The following FER1L6 variants were observed in gnomAD, a reference collection of about 807,000 sequenced individuals.
The protein encoded by FER1L6 is fer-1-like protein 6.
Under a neutral mutation model 219.2 loss-of-function variants are expected in FER1L6, and 177 were observed. The ratio of observed to expected loss-of-function variants is 0.81; its 90% CI spans 0.71 to 0.91. The LOEUF (loss-of-function observed/expected upper bound fraction) is 0.91. Among genes scored for constraint, FER1L6 ranks in the 40% least tolerant of loss-of-function variants. The pLI is 0.00. For synonymous variants in FER1L6, 768 were observed against 824.3 expected (o/e 0.93, Z 1.17); for missense variants, 2,153 against 2,259.9 (o/e 0.95, Z 0.96).
intron 25 of FER1L6, among the ~76,000 whole-genome samples, chr8:124,063,435 G>C (rs1289898927): frequency 6.6e-6 from 1 of 152,094 alleles, no homozygotes; most frequent in Non-Finnish European, 1.5e-5. Context: ...TTCTCATTTA[G>C]ATCTTTAATC....
intron 15 of FER1L6, 56 bp downstream of exon 15, chr8:124,013,587 T>A: frequency 1.6e-6 from 2 of 1,231,718 alleles, no homozygotes; most frequent in Non-Finnish European, 2.3e-6. Flanking sequence ...TCTCAGCTTT[T>A]AATTACCTTG....
Position 124,061,891 on chromosome 8 carries a change from A to T in FER1L6, c.3187A>T (p.Ile1063Phe). 6.2e-7 allele frequency: 1 copy of T among 1,614,112 alleles called. No individual in the cohort carries two copies. The highest frequency in any genetic ancestry group is 8.5e-7 in the Non-Finnish European group (1 of 1,180,012). ...ENELLHPPLS[I>F]CVVDWRAFGR... ...CGAGCTTCTGCACCCGCCACTGAGCATCTGCGTGGTGGACTGGAGAGCTTT... is the reference window on the plus strand; with the variant it reads ...CGAGCTTCTGCACCCGCCACTGAGCTTCTGCGTGGTGGACTGGAGAGCTTT... The change falls in exon 25 of 41, where the codon ATC (isoleucine) becomes TTC (phenylalanine). Residue 1063 changes from isoleucine (I) to phenylalanine (F), a missense_variant. By Grantham distance (21) the Ile-to-Phe change is conservative. Coordinates refer to ENST00000522917, the MANE Select transcript of FER1L6 (RefSeq NM_001039112.2).
Position 124,066,584 on chromosome 8 carries a change from T to C in FER1L6, c.3678+34T>C, listed in dbSNP as rs770047262. ...TCCCCTACCTGTGGCAGTTAAGAGA[T>C]TCAATAAGGAAACACAGCACCTTCT... On this transcript the variant is annotated intron_variant, in intron 27 of 40. Transcript: ENST00000522917. The C allele has an allele frequency of 6.8e-6, 11 of 1,607,084 alleles. No individual in the cohort carries two copies. In the South Asian group the frequency reaches 1.1e-4, roughly 16 times the overall value.
chr8:123,998,177 G>T (rs888385857), intron 12 of FER1L6, among the ~76,000 whole-genome samples: 3 of 152,128 alleles, frequency 2.0e-5, no homozygotes, highest in African/African-American at 7.2e-5. Context: ...TATTTGAAGG[G>T]ACTTGGGAGT....
rs1319973976 is a variant in FER1L6 at position 124,111,393 on chromosome 8, T to C, written c.5290-7451T>C. ...GCCCTGCTTTGGCCTGCAGAAGGGA[T>C]GTATTCCAGCTACCCTTGTCCTCTT... On this transcript the variant is annotated intron_variant, in intron 39 of 40. Coordinates refer to ENST00000522917, the MANE Select transcript of FER1L6 (RefSeq NM_001039112.2). This position sits in a 1 kb window ranked among gnomAD's most constrained non-coding sequence, Gnocchi z 5.0. Among the ~76,000 whole-genome samples, 1 of 152,200 alleles carries C rather than the reference T, an allele frequency of 6.6e-6. No individual in the cohort carries two copies. Among genetic ancestry groups the C allele is most frequent in the African/African-American group, 2.4e-5 (1 of 41,450 alleles).
intron 39 of FER1L6, among the ~76,000 whole-genome samples, chr8:124,106,723 C>A (rs1292441288): frequency 2.0e-5 from 3 of 152,164 alleles, no homozygotes; most frequent in Admixed American, 6.5e-5. Flanking sequence ...TACTTCCCTA[C>A]ATGTATCTCT....
intron 19 of FER1L6, among the ~76,000 whole-genome samples, chr8:124,039,023 CTCAA>C (rs1819343765): frequency 6.6e-6 from 1 of 152,208 alleles, no homozygotes. Flanking sequence ...CTGTGATGAA[CTCAA>C]CTCTTACTTG....
intron 1 of FER1L6, among the ~76,000 whole-genome samples, chr8:123,904,650 G>C (rs1346298168): frequency 6.6e-6 from 1 of 152,204 alleles, no homozygotes; most frequent in Non-Finnish European, 1.5e-5. Flanking sequence ...GTGTTGAGCA[G>C]AGGGTAGATG....
chr8:124,071,919 C>A (rs1435634035), intron 31 of FER1L6, among the ~76,000 whole-genome samples: 1 of 152,126 alleles, frequency 6.6e-6, no homozygotes, highest in African/African-American at 2.4e-5. Context: ...TATAAAGACA[C>A]TAGCCCTGTC....
At chr8:123,997,486 GTCT>G (rs1817186449) in intron 12 of FER1L6, among the ~76,000 whole-genome samples, 1 of 152,090 alleles carries the variant, frequency 6.6e-6, no homozygotes, top group Admixed American at 6.5e-5. Flanking sequence ...TCTTGAGGTA[GTCT>G]TCTTTGGATT....
chr8:124,047,744 T>G (rs1274329518), intron 21 of FER1L6: 1 of 152,182 alleles, frequency 6.6e-6, no homozygotes, highest in African/African-American at 2.4e-5. Flanking sequence ...AATATGCACT[T>G]TGCTCCCAGG....
chr8:123,958,922 G>C (rs1238826656), intron 2 of FER1L6, among the ~76,000 whole-genome samples: 1 of 151,774 alleles, frequency 6.6e-6, no homozygotes, highest in East Asian at 2.0e-4. Context: ...GGAACTGAAA[G>C]GGGGCCTTGT....
Position 123,937,547 on chromosome 8 carries a change from C to T in FER1L6, c.-7-18445C>T, listed in dbSNP as rs144602310. 3.1e-3 allele frequency among the ~76,000 whole-genome samples: 477 copies of T among 152,126 alleles called. 4 individuals are homozygous for T. The highest frequency in any genetic ancestry group is 0.011 in the African/African-American group (462 of 41,490). ...ATACTCATAAAACCCTTGATACTCACGTTGGAAAGAAGATAGGAGGCAGTA... is the reference window on the plus strand; with the variant it reads ...ATACTCATAAAACCCTTGATACTCATGTTGGAAAGAAGATAGGAGGCAGTA... On this transcript the variant is annotated intron_variant, in intron 1 of 40. Transcript: ENST00000522917.
intron 1 of FER1L6, among the ~76,000 whole-genome samples, chr8:123,858,100 C>T (rs1267515067): frequency 3.3e-5 from 5 of 152,140 alleles, no homozygotes; most frequent in African/African-American, 1.2e-4. Context: ...AAATGCTCCC[C>T]ACTCTTCTCT....
rs760045773 is a variant in FER1L6 at position 124,040,015 on chromosome 8, G to C, written c.2589+9G>C. 2 of 1,613,932 alleles carry C rather than the reference G, an allele frequency of 1.2e-6. No individual in the cohort carries two copies. The highest frequency in any genetic ancestry group is 4.5e-5 in the East Asian group (2 of 44,874). On this transcript the variant is annotated intron_variant, in intron 20 of 40. Coordinates refer to ENST00000522917, the MANE Select transcript of FER1L6 (RefSeq NM_001039112.2). ...ACTGCCAGACAACAAAGGTAACCAGGGTAACCAAGACAGCCTGCTTCTTTC... is the reference window on the plus strand; with the variant it reads ...ACTGCCAGACAACAAAGGTAACCAGCGTAACCAAGACAGCCTGCTTCTTTC...
intron 24 of FER1L6, 103 bp downstream of exon 24, chr8:124,060,812 T>C: frequency 7.7e-7 from 1 of 1,291,086 alleles, no homozygotes; most frequent in Non-Finnish European, 1.1e-6. Context: ...AGAATTAATT[T>C]AGTGAAAAGC....
intron 15 of FER1L6, chr8:124,013,765 A>G (rs1471475847): frequency 6.5e-6 from 2 of 309,828 alleles, no homozygotes; most frequent in African/African-American, 2.2e-5. Context: ...AAGACTTACT[A>G]CAGAGACTCT....
intron 18 of FER1L6, among the ~76,000 whole-genome samples, chr8:124,035,063 G>T (rs542920802): frequency 6.6e-6 from 1 of 152,114 alleles, no homozygotes; most frequent in African/African-American, 2.4e-5. Flanking sequence ...TAAGCTTTAG[G>T]TCCCACTAGA....
At position 123,852,853 on chromosome 8, in the gene FER1L6, T is replaced by C. The variant is rs980446147; in HGVS notation, c.-8+668T>C. Among the ~76,000 whole-genome samples, 1 of 152,192 alleles carries C rather than the reference T, an allele frequency of 6.6e-6. No individual in the cohort carries two copies. The highest frequency in any genetic ancestry group is 6.5e-5 in the Admixed American group (1 of 15,268). ...TTTTTCCACGAATGTCTTTTTCTGTTCTAGGAGCCAGTCCAGAATCCCACA... is the reference window on the plus strand; with the variant it reads ...TTTTTCCACGAATGTCTTTTTCTGTCCTAGGAGCCAGTCCAGAATCCCACA... On this transcript the variant is annotated intron_variant, in intron 1 of 40. Transcript: ENST00000522917. This position sits in a 1 kb window ranked among gnomAD's most constrained non-coding sequence, Gnocchi z 4.9.
Sources: allele counts gnomAD v4.1 joint callset (sites outside exome capture counted in the v4.1 genomes callset), GRCh38; gene constraint gnomAD v4.1.1; non-coding constraint Gnocchi (gnomAD v3.1); transcripts MANE v1.5; gene names NCBI Gene and HGNC (gene_info 2026-07-23, HGNC 2026-07-21).